PTK2B: variants seen among roughly 807,000 people sequenced by gnomAD.
The protein encoded by PTK2B is protein-tyrosine kinase 2-beta.
A neutral mutation model predicts 142.9 loss-of-function variants in PTK2B; 71 were observed. That is an observed-to-expected ratio of 0.50 (90% CI 0.41 to 0.61). PTK2B has a LOEUF of 0.61. Among genes scored for constraint, PTK2B ranks in the 20% least tolerant of loss-of-function variants. The pLI, the probability that PTK2B is intolerant of heterozygous loss-of-function variation, is 0.00. For synonymous variants in PTK2B, 519 were observed against 503.4 expected, an observed-to-expected ratio of 1.03 and a Z score of -0.42; for missense variants, 1,105 against 1,320.4, an observed-to-expected ratio of 0.84 and a Z score of 2.53.
At chr8:27,385,719 C>T (rs992316570) in intron 1 of PTK2B, among the ~76,000 whole-genome samples, 1 of 151,962 alleles carries the variant, frequency 6.6e-6, no homozygotes, top group Non-Finnish European at 1.5e-5. Context: ...ATGGTGAAAC[C>T]TCCTCTCTAC....
In PTK2B at chr8:27,351,542, A is replaced by T. The variant is rs963553632; in HGVS notation, c.-38+25861A>T. 7.9e-5 allele frequency among the ~76,000 whole-genome samples: 12 copies of T among 152,182 alleles called. 1 individual carries two copies. The highest frequency in any genetic ancestry group is 7.9e-4 in the Admixed American group (12 of 15,274). ...GACTTCCATCCCTCTACTGGTCCTA[A>T]TGGATTCCATCTGAGGCTAGAACTG... On this transcript the variant is annotated intron_variant, in intron 1 of 30. Coordinates refer to ENST00000346049, the MANE Select transcript of PTK2B (RefSeq NM_173176.3).
intron 3 of PTK2B, among the ~76,000 whole-genome samples, chr8:27,314,293 A>G (rs1438161962): frequency 6.6e-6 from 1 of 152,234 alleles, no homozygotes. Context: ...CAGGCCAGGC[A>G]TGGCGGATCG....
Position 27,392,889 on chromosome 8 carries a change from C to T in PTK2B, c.-37-4659C>T, listed in dbSNP as rs148187186. On this transcript the variant is annotated intron_variant, in intron 1 of 30. Coordinates refer to ENST00000346049, the MANE Select transcript of PTK2B (RefSeq NM_173176.3). Reference sequence around the variant, plus strand: ...CAAACCTATATTCTAGTGTTGAGTCCGTCTAGGACCTCTCAAGACAAAGTC... The same window carrying T: ...CAAACCTATATTCTAGTGTTGAGTCTGTCTAGGACCTCTCAAGACAAAGTC... Among the ~76,000 whole-genome samples, 1,121 of 152,212 alleles carry T rather than the reference C, an allele frequency of 7.4e-3. 18 individuals carry two copies. Among genetic ancestry groups the T allele is most frequent in the African/African-American group, 0.026 (1,069 of 41,494 alleles).
intron 2 of PTK2B, among the ~76,000 whole-genome samples, chr8:27,415,758 A>T (rs943525591): frequency 6.6e-6 from 1 of 152,254 alleles, no homozygotes; most frequent in Non-Finnish European, 1.5e-5. Flanking sequence ...CCCCAAAATA[A>T]AACATTAATT....
At chr8:27,323,981 C>G (rs2130699938), upstream of PTK2B, among the ~76,000 whole-genome samples, 1 of 152,262 alleles carries the variant, frequency 6.6e-6, no homozygotes, top group East Asian at 1.9e-4. Flanking sequence ...CTTTTAGTTC[C>G]CACTGCCACC....
intron 3 of PTK2B, among the ~76,000 whole-genome samples, chr8:27,313,716 C>T (rs1327738764): frequency 6.6e-6 from 1 of 152,218 alleles, no homozygotes; most frequent in East Asian, 1.9e-4. Context: ...GAAGGTCATA[C>T]TCCACTATTT....
intron 24 of PTK2B, among the ~76,000 whole-genome samples, chr8:27,448,393 A>C (rs1264159137): frequency 6.6e-6 from 1 of 152,254 alleles, no homozygotes; most frequent in Non-Finnish European, 1.5e-5. Context: ...CCATTACCTA[A>C]TAAGAATATT....
chr8:27,322,187 AAT>A (rs1803233577), upstream of PTK2B, among the ~76,000 whole-genome samples: 1 of 152,058 alleles, frequency 6.6e-6, no homozygotes, highest in Admixed American at 6.5e-5. Flanking sequence ...TTTTTGTTAG[AAT>A]ACTTATAACC....
intron 1 of PTK2B, among the ~76,000 whole-genome samples, chr8:27,362,707 G>A (rs1805785489): frequency 6.6e-6 from 1 of 151,724 alleles, no homozygotes; most frequent in Admixed American, 6.6e-5. Context: ...AGCAGTGACA[G>A]GAGGGACCCA....
At chr8:27,387,421 C>T (rs533929067) in intron 1 of PTK2B, among the ~76,000 whole-genome samples, 66 of 152,318 alleles carry the variant, frequency 4.3e-4, no homozygotes, top group Admixed American at 2.0e-3. Flanking sequence ...TTCTTCTTAA[C>T]GTTGATTTGG....
intron 1 of PTK2B, among the ~76,000 whole-genome samples, chr8:27,388,435 GA>G (rs1807507188): frequency 6.6e-6 from 1 of 152,210 alleles, no homozygotes. Context: ...CTCTTGGGAG[GA>G]AGGGGCACAT....
intron 20 of PTK2B, 90 bp from the exon 21 acceptor site, chr8:27,440,147 G>A (rs1194640628): frequency 3.7e-6 from 5 of 1,345,470 alleles, no homozygotes; most frequent in East Asian, 2.3e-5. Context: ...AGCTGCTCCT[G>A]GTGGAGACTG....
intron 1 of PTK2B, among the ~76,000 whole-genome samples, chr8:27,379,165 G>A (rs1020484639): frequency 3.9e-5 from 6 of 152,298 alleles, no homozygotes; most frequent in African/African-American, 1.2e-4. Context: ...AGAGGTAGCC[G>A]AAGTGAGTCT....
In PTK2B at chr8:27,453,268, GTCC is replaced by G. The variant is rs1432019828; in HGVS notation, c.2595+111_2595+113del. On this transcript the variant is annotated intron_variant, in intron 28 of 30. Transcript: ENST00000346049. The stretch of plus-strand genomic sequence containing the variant: ...GTTCTCAGATAGAATCCAGTTCAGT[GTCC>G]TCATGATACAGATGAAGCCCGGGGT... 7.5e-6 allele frequency: 11 copies of G among 1,459,092 alleles called. No homozygotes were observed. The African/African-American group carries it at 1.5e-4, about 20-fold the overall frequency. 90.4% of individuals were successfully genotyped at this position (1,459,092 alleles called of 1,614,324 possible). A position where few individuals can be genotyped will look rare whatever the true frequency, so the allele number is the denominator to read the frequency against.
Position 27,431,421 on chromosome 8 carries a change from C to T in PTK2B, c.834C>T (p.Asp278=). ...ELIQGWNITV[D]LVIGPKGIRQ... ...AGCAAGGATGGAACATTACTGTGGACCTGGTCATTGGCCCTAAAGGGATCC... is the reference window on the plus strand; with the variant it reads ...AGCAAGGATGGAACATTACTGTGGATCTGGTCATTGGCCCTAAAGGGATCC... The change falls in exon 9 of 31, where the codon GAC becomes GAT. Residue 278 remains aspartate, a synonymous_variant. Transcript: ENST00000346049. 1 of 1,614,226 alleles carries T rather than the reference C, an allele frequency of 6.2e-7. No homozygotes were observed. Among genetic ancestry groups the T allele is most frequent in the Non-Finnish European group, 8.5e-7 (1 of 1,180,046 alleles).
chr8:27,425,161 CAT>C (rs974131589), intron 5 of PTK2B, among the ~76,000 whole-genome samples: 15 of 151,368 alleles, frequency 9.9e-5, no homozygotes, highest in African/African-American at 3.4e-4. Context: ...TACTATATAA[CAT>C]ATGCTACTAT....
chr8:27,349,623 G>A (rs892517551), intron 1 of PTK2B, among the ~76,000 whole-genome samples: 3 of 152,212 alleles, frequency 2.0e-5, no homozygotes, highest in Admixed American at 1.3e-4. Context: ...AAAATGGAGC[G>A]AAGAGCACCT....
At chr8:27,389,953 G>A (rs1043801109) in intron 1 of PTK2B, among the ~76,000 whole-genome samples, 7 of 152,186 alleles carry the variant, frequency 4.6e-5, no homozygotes, top group Non-Finnish European at 1.0e-4. Flanking sequence ...TTAAGTGGCT[G>A]CACTCAGCAG....
At chr8:27,336,144 G>C (rs1804049041) in intron 1 of PTK2B, among the ~76,000 whole-genome samples, 1 of 152,184 alleles carries the variant, frequency 6.6e-6, no homozygotes, top group South Asian at 2.1e-4. Context: ...ATGTATGTGT[G>C]AGTGGCGGGA....
Sources: allele counts gnomAD v4.1 joint callset (sites outside exome capture counted in the v4.1 genomes callset), GRCh38; gene constraint gnomAD v4.1.1; transcripts MANE v1.5; gene names NCBI Gene and HGNC (gene_info 2026-07-23, HGNC 2026-07-21).